Variants in TSNAXIP1 observed in about 807,000 individuals in gnomAD.
TSNAXIP1 encodes the protein translin associated factor X interacting protein 1.
Under a neutral mutation model 84.8 loss-of-function variants are expected in TSNAXIP1, and 89 were observed. The ratio of observed to expected loss-of-function variants is 1.05; its 90% confidence interval spans 0.88 to 1.25. The LOEUF (loss-of-function observed/expected upper bound fraction) is 1.25. Ranked by LOEUF, TSNAXIP1 falls within the 50% of genes most tolerant of loss-of-function variation. TSNAXIP1 has a pLI of 0.00. For missense variants in TSNAXIP1, 874 were observed against 887.6 expected, an observed-to-expected ratio of 0.98 and a Z score of 0.20; for synonymous variants, 347 against 335.2, an observed-to-expected ratio of 1.04 and a Z score of -0.39.
chr16:67,824,840 G>T, intron 6 of TSNAXIP1, 61 bp downstream of exon 6: 1 of 1,542,584 alleles, frequency 6.5e-7, no homozygotes, highest in Non-Finnish European at 8.8e-7. Context: ...CCACGACAAG[G>T]GTGACCCCCT....
chr16:67,815,039 C>T (rs1441329378), intron 2 of TSNAXIP1, among the ~76,000 whole-genome samples: 1 of 151,706 alleles, frequency 6.6e-6, no homozygotes, highest in Admixed American at 6.6e-5. Flanking sequence ...AAAAAAGAGC[C>T]GGGCGCAGTG....
chr16:67,807,068 G>T lies in TSNAXIP1; in HGVS notation c.-82G>T. The T allele has an allele frequency of 6.6e-7, 1 of 1,512,646 alleles. No homozygotes were observed. Among genetic ancestry groups the T allele is most frequent in the African/African-American group, 1.4e-5 (1 of 72,098 alleles). 93.7% of individuals were successfully genotyped at this position (1,512,646 alleles called of 1,614,324 possible). ...GCCCCCGCCGCGGGGGGGCCTCTGG[G>T]GCCTGGTCGCCATGGCGACCGGCTG... On this transcript the variant is annotated 5_prime_UTR_variant, in exon 1 of 16. Coordinates refer to ENST00000561639, the MANE Select transcript of TSNAXIP1 (RefSeq NM_001288990.3).
chr16:67,817,747 C>T (rs1054524361), intron 2 of TSNAXIP1, among the ~76,000 whole-genome samples: 4 of 143,742 alleles, frequency 2.8e-5, no homozygotes, highest in Admixed American at 6.8e-5. Flanking sequence ...CAAAATTTGC[C>T]GGGTGTGGTG....
At position 67,825,176 on chromosome 16, in the gene TSNAXIP1, C is replaced by T; in HGVS notation, c.718C>T (p.His240Tyr). ...LRKNLAEEYL[H>Y]YLSERDACKI... is the part of the protein sequence containing the mutation. ...GAAGAACTTGGCTGAGGAGTACCTG[C>T]ACTACCTCAGTGAGCGAGATGCCTG... Residue 240 changes from histidine to tyrosine, a missense_variant, in exon 7 of 16, where the codon CAC (histidine) becomes TAC (tyrosine). Coordinates refer to ENST00000561639, the MANE Select transcript of TSNAXIP1 (RefSeq NM_001288990.3). 6.2e-7 allele frequency: 1 copy of T among 1,614,158 alleles called. No individual in the cohort carries two copies.
At chr16:67,820,698 C>T (rs1420954908) in intron 2 of TSNAXIP1, 141 bp from the exon 3 acceptor site, 5 of 555,244 alleles carry the variant, frequency 9.0e-6, no homozygotes, top group South Asian at 3.6e-5. Context: ...GAGCCAAGAT[C>T]GTGCCACCAC....
chr16:67,814,471 C>A, intron 2 of TSNAXIP1, 70 bp downstream of exon 2: 1 of 1,246,426 alleles, frequency 8.0e-7, no homozygotes, highest in Non-Finnish European at 1.1e-6. Flanking sequence ...CTTCCTGCAA[C>A]CCAAGAGTAC....
In TSNAXIP1 at chr16:67,826,663, TCTGA is replaced by T. The variant is rs779208418; in HGVS notation, c.1402-24_1402-21del. 1.3e-4 allele frequency: 214 copies of T among 1,612,078 alleles called. 1 individual carries two copies. The highest frequency in any genetic ancestry group is 1.6e-4 in the Non-Finnish European group (194 of 1,178,786). The stretch of plus-strand genomic sequence containing the variant: ...GATGAGGGCCAACCAACCGTAAGAC[TCTGA>T]CTGAGCATTTCCTCGATCCCGCAGA... On this transcript the variant is annotated intron_variant, in intron 11 of 15. Coordinates refer to ENST00000561639, the MANE Select transcript of TSNAXIP1 (RefSeq NM_001288990.3).
chr16:67,824,596 G>C lies in TSNAXIP1; in HGVS notation c.495G>C (p.Glu165Asp). The C allele has an allele frequency of 6.2e-7, 1 of 1,613,904 alleles. No homozygotes were observed. The highest frequency in any genetic ancestry group is 8.5e-7 in the Non-Finnish European group (1 of 1,179,940). ...AYEGMLAHQREKIRALEPLKA... is the reference protein window; with the variant it reads ...AYEGMLAHQRDKIRALEPLKA... ...GTCTCTGCTTAGCCCACCAAAGGGAGAAGATTCGGGCTCTGGAGCCCCTGA... is the reference window on the plus strand; with the variant it reads ...GTCTCTGCTTAGCCCACCAAAGGGACAAGATTCGGGCTCTGGAGCCCCTGA... Residue 165 changes from glutamate (E) to aspartate (D), a missense_variant, in exon 6 of 16, where the codon GAG (glutamate) becomes GAC (aspartate). By Grantham distance (45) the Glu-to-Asp change is conservative (BLOSUM62 2). Coordinates refer to ENST00000561639, the MANE Select transcript of TSNAXIP1 (RefSeq NM_001288990.3).
At chr16:67,809,245 G>T (rs1443921597) in intron 1 of TSNAXIP1, among the ~76,000 whole-genome samples, 1 of 146,278 alleles carries the variant, frequency 6.8e-6, no homozygotes, top group Non-Finnish European at 1.5e-5. Flanking sequence ...CAAGGTGCGC[G>T]GATCACGGGG....
In TSNAXIP1 at chr16:67,824,607, C is replaced by A. The variant is rs1359739538; in HGVS notation, c.506C>A (p.Ala169Asp). ...GCCCACCAAAGGGAGAAGATTCGGG[C>A]TCTGGAGCCCCTGAAGGCCAAGCTT... ...MLAHQREKIRALEPLKAKLVT... is the reference protein window; with the variant it reads ...MLAHQREKIRDLEPLKAKLVT... Residue 169 changes from alanine (A) to aspartate (D), a missense_variant, in exon 6 of 16, where the codon GCT becomes GAT. By Grantham distance (126) the Ala-to-Asp change is moderately radical. Coordinates refer to ENST00000561639, the MANE Select transcript of TSNAXIP1 (RefSeq NM_001288990.3). 1.2e-6 allele frequency: 2 copies of A among 1,614,048 alleles called. No individual in the cohort carries two copies. The highest frequency in any genetic ancestry group is 1.7e-5 in the Admixed American group (1 of 60,004).
At chr16:67,822,262 GAGTGAGACTCCATCTCAAAAAAAA>G (rs1309740898) in intron 4 of TSNAXIP1, among the ~76,000 whole-genome samples, 1 of 142,232 alleles carries the variant, frequency 7.0e-6, no homozygotes, top group Non-Finnish European at 1.5e-5. Flanking sequence ...CTGGGCAACA[GAGTGAGACTCCATCTCAAAAAAAA>G]AAAAAAAAAA....
Position 67,824,752 on chromosome 16 carries a change from T to G in TSNAXIP1, c.651T>G (p.Asn217Lys), listed in dbSNP as rs1555573248. 1.2e-6 allele frequency: 2 copies of G among 1,613,880 alleles called. No individual in the cohort carries two copies. The highest frequency in any genetic ancestry group is 1.7e-6 in the Non-Finnish European group (2 of 1,179,940). ...TGCTAAAACTCATCGACAAAAAGAA[T>G]GAGGAGAAGATTTCATTGCAGAGCG... ...MNLLKLIDKK[N>K]EEKISLQSEV... Residue 217 changes from asparagine (N) to lysine (K), a missense_variant, in exon 6 of 16, where the codon AAT (asparagine) becomes AAG (lysine). By Grantham distance (94) the Asn-to-Lys change is moderately conservative. Transcript: ENST00000561639.
Position 67,826,713 on chromosome 16 carries a change from T to C in TSNAXIP1, c.1423T>C (p.Phe475Leu). 6.2e-7 allele frequency: 1 copy of C among 1,613,774 alleles called. No individual in the cohort carries two copies. The highest frequency in any genetic ancestry group is 8.5e-7 in the Non-Finnish European group (1 of 1,179,870). ...GCAGAAAGAGACGTTCCCAGATTTCTTCTTCAATTTCCTGGAGCATCGCTT... is the reference window on the plus strand; with the variant it reads ...GCAGAAAGAGACGTTCCCAGATTTCCTCTTCAATTTCCTGGAGCATCGCTT... ...EEQKETFPDF[F>L]FNFLEHRFGP... The change falls in exon 12 of 16, where the codon TTC becomes CTC. Residue 475 changes from phenylalanine to leucine, a missense_variant. Physicochemically the swap from Phe to Leu is conservative, Grantham distance 22. Transcript: ENST00000561639.
At position 67,827,081 on chromosome 16, in the gene TSNAXIP1, C is replaced by T. The variant is rs1266716591; in HGVS notation, c.1664+9C>T. 1.9e-6 allele frequency: 3 copies of T among 1,613,046 alleles called. No homozygotes were observed. Among genetic ancestry groups the T allele is most frequent in the South Asian group, 1.1e-5 (1 of 91,044 alleles). On this transcript the variant is annotated intron_variant, in intron 13 of 15. Coordinates refer to ENST00000561639, the MANE Select transcript of TSNAXIP1 (RefSeq NM_001288990.3). ...ACCATGGAGCAGTTCAAGTGAGAGG[C>T]CAGTCCAGGCTACCCCCAACTCCTA... is the stretch of plus-strand genomic sequence containing the variant.
At chr16:67,809,516 T>C (rs961657913) in intron 1 of TSNAXIP1, among the ~76,000 whole-genome samples, 1 of 151,098 alleles carries the variant, frequency 6.6e-6, no homozygotes, top group Non-Finnish European at 1.5e-5. Flanking sequence ...CCAGCTATTC[T>C]GGAGGCTGAG....
intron 4 of TSNAXIP1, among the ~76,000 whole-genome samples, 164 bp downstream of exon 4, chr16:67,821,389 G>A (rs2057041294): frequency 6.6e-6 from 1 of 152,022 alleles, no homozygotes; most frequent in East Asian, 1.9e-4. Context: ...GGCCAACATG[G>A]CGAAACCCCG....
At chr16:67,808,432 G>C (rs1309922254) in intron 1 of TSNAXIP1, among the ~76,000 whole-genome samples, 1 of 152,202 alleles carries the variant, frequency 6.6e-6, no homozygotes, top group African/African-American at 2.4e-5. Flanking sequence ...AAATTAGCCA[G>C]GCATGGGGGT....
At chr16:67,814,465 C>A in intron 2 of TSNAXIP1, 64 bp downstream of exon 2, 1 of 1,359,886 alleles carries the variant, frequency 7.4e-7, no homozygotes, top group Non-Finnish European at 1.0e-6. Flanking sequence ...GTCTCCCTTC[C>A]TGCAACCCAA....
In TSNAXIP1 at chr16:67,827,519, A is replaced by G. The variant is rs753362298; in HGVS notation, c.1838A>G (p.Gln613Arg). The G allele has an allele frequency of 2.8e-5, 45 of 1,614,100 alleles. No individual in the cohort carries two copies. The highest frequency in any genetic ancestry group is 1.7e-5 in the Admixed American group (1 of 60,012). Residue 613 changes from glutamine (Q) to arginine (R), a missense_variant, in exon 15 of 16, where the codon CAA becomes CGA. By Grantham distance (43) the Gln-to-Arg change is conservative (BLOSUM62 1). Transcript: ENST00000561639. ...CCCTTTGTGCAAAAACTCTGGGAACAATACATGGATGAGAAGGACGAGTAC... is the reference window on the plus strand; with the variant it reads ...CCCTTTGTGCAAAAACTCTGGGAACGATACATGGATGAGAAGGACGAGTAC... ...SEPFVQKLWE[Q>R]YMDEKDEYLQ...
Sources: allele counts gnomAD v4.1 joint callset (sites outside exome capture counted in the v4.1 genomes callset), GRCh38; gene constraint gnomAD v4.1.1; transcripts MANE v1.5; gene names NCBI Gene and HGNC (gene_info 2026-07-23, HGNC 2026-07-21).